Variants in CNTLN observed in about 807,000 individuals in gnomAD.
CNTLN encodes centlein, centrosomal protein.
In CNTLN, 212 loss-of-function variants were observed where a neutral mutation model predicts 180.0. The ratio of observed to expected loss-of-function variants is 1.18; its 90% confidence interval spans 1.05 to 1.32. The LOEUF (loss-of-function observed/expected upper bound fraction) is 1.32. Among genes scored for constraint, CNTLN ranks in the 40% most tolerant of loss-of-function variants. The pLI is 0.00. For missense variants in CNTLN, 2,095 were observed against 1,610.9 expected, an observed-to-expected ratio of 1.30 and a Z score of -5.14; for synonymous variants, 722 against 563.1, an observed-to-expected ratio of 1.28 and a Z score of -3.99.
At chr9:17,445,160 AC>A (rs780208827) in intron 18 of CNTLN, among the ~76,000 whole-genome samples, 83 of 152,266 alleles carry the variant, frequency 5.5e-4, no homozygotes, top group Non-Finnish European at 9.4e-4. Context: ...ATAGAAAAAA[AC>A]ATTATTGCTT....
chr9:17,435,236 G>A (rs186192874), intron 18 of CNTLN, among the ~76,000 whole-genome samples: 4 of 152,168 alleles, frequency 2.6e-5, no homozygotes, highest in South Asian at 2.1e-4. Flanking sequence ...TTTGGTTGTT[G>A]TTTGTTTCTA....
chr9:17,318,271 C>T (rs1054401715), intron 8 of CNTLN, among the ~76,000 whole-genome samples: 6 of 151,976 alleles, frequency 3.9e-5, no homozygotes, highest in Non-Finnish European at 7.4e-5. Context: ...CCTCGTGATC[C>T]GCCTGCCTCG....
At chr9:17,427,722 G>GA (rs1829180206) in intron 18 of CNTLN, among the ~76,000 whole-genome samples, 1 of 152,138 alleles carries the variant, frequency 6.6e-6, no homozygotes, top group African/African-American at 2.4e-5. Context: ...ACTGATCCTT[G>GA]AAAATATTAT....
rs542306626 is a variant in CNTLN at position 17,465,101 on chromosome 9, C to T, written c.3531+478C>T. ...GTTAAAGTAGTTACGTAATATATGA[C>T]CCAAAGTAGAAGGGTTTTTTTTGTT... On this transcript the variant is annotated intron_variant, in intron 21 of 25. Transcript: ENST00000380647. Among the ~76,000 whole-genome samples the T allele has an allele frequency of 2.7e-4, 40 of 150,216 alleles. No individual in the cohort carries two copies. The South Asian group carries it at 7.6e-3, about 28-fold the overall frequency.
At chr9:17,463,272 C>CT (rs1394084502) in intron 20 of CNTLN, among the ~76,000 whole-genome samples, 1 of 151,440 alleles carries the variant, frequency 6.6e-6, no homozygotes, top group Non-Finnish European at 1.5e-5. Context: ...AAATTAATGG[C>CT]TTCGAGACAA....
At chr9:17,411,655 A>G (rs575082394) in intron 16 of CNTLN, among the ~76,000 whole-genome samples, 1 of 152,128 alleles carries the variant, frequency 6.6e-6, no homozygotes, top group South Asian at 2.1e-4. Flanking sequence ...GAGGCATTAG[A>G]CTCTCACATA....
chr9:17,467,645 A>C (rs1203094358), intron 23 of CNTLN, among the ~76,000 whole-genome samples: 1 of 151,618 alleles, frequency 6.6e-6, no homozygotes, highest in Non-Finnish European at 1.5e-5. Flanking sequence ...GAGGATCCTA[A>C]ATGATTGCAA....
At chr9:17,242,421 C>T (rs1056054937) in intron 5 of CNTLN, among the ~76,000 whole-genome samples, 6 of 152,050 alleles carry the variant, frequency 3.9e-5, no homozygotes, top group South Asian at 2.1e-4. Context: ...GTGATTCTTG[C>T]CTCAGCTTCC....
At chr9:17,284,859 C>T (rs986158457) in intron 6 of CNTLN, among the ~76,000 whole-genome samples, 2 of 151,840 alleles carry the variant, frequency 1.3e-5, no homozygotes, top group Admixed American at 6.6e-5. Flanking sequence ...AGGGTGTCAA[C>T]TTGAGATTTT....
intron 16 of CNTLN, among the ~76,000 whole-genome samples, 196 bp downstream of exon 16, chr9:17,409,669 A>G (rs1201456854): frequency 1.3e-5 from 2 of 152,050 alleles, no homozygotes; most frequent in Non-Finnish European, 2.9e-5. Context: ...ATAGACGAAA[A>G]TAAATACTAT....
At chr9:17,420,068 C>A (rs941529096) in intron 18 of CNTLN, among the ~76,000 whole-genome samples, 13 of 152,100 alleles carry the variant, frequency 8.5e-5, no homozygotes, top group African/African-American at 3.1e-4. Context: ...GCACGCAACA[C>A]CACGCCTGGC....
chr9:17,417,146 G>A (rs1828318317), intron 18 of CNTLN, among the ~76,000 whole-genome samples: 1 of 152,138 alleles, frequency 6.6e-6, no homozygotes, highest in African/African-American at 2.4e-5. Flanking sequence ...AAATGTGGCA[G>A]TGGGATACCA....
chr9:17,479,073 A>T (rs1832503405), intron 23 of CNTLN, among the ~76,000 whole-genome samples: 1 of 152,154 alleles, frequency 6.6e-6, no homozygotes, highest in Non-Finnish European at 1.5e-5. Flanking sequence ...GTGTAATTGG[A>T]CCCTTTGTAC....
At chr9:17,182,905 G>T (rs994246635) in intron 2 of CNTLN, among the ~76,000 whole-genome samples, 1 of 152,100 alleles carries the variant, frequency 6.6e-6, no homozygotes, top group African/African-American at 2.4e-5. Context: ...TAGTGGGAGG[G>T]GCCCAGTTGA....
intron 2 of CNTLN, among the ~76,000 whole-genome samples, chr9:17,199,267 A>C (rs1293697753): frequency 3.0e-5 from 4 of 132,596 alleles, no homozygotes; most frequent in Non-Finnish European, 4.6e-5. Context: ...GCTGGAGTGC[A>C]GTGGCATAGT....
At chr9:17,202,887 G>A (rs1822648696) in intron 2 of CNTLN, among the ~76,000 whole-genome samples, 1 of 151,954 alleles carries the variant, frequency 6.6e-6, no homozygotes, top group African/African-American at 2.4e-5. Flanking sequence ...CATGATGCTA[G>A]CTGTTTATTT....
chr9:17,271,576 A>G (rs969411499), intron 5 of CNTLN, among the ~76,000 whole-genome samples: 3 of 152,158 alleles, frequency 2.0e-5, no homozygotes, highest in Non-Finnish European at 2.9e-5. Flanking sequence ...ATCCACCAGA[A>G]GCTGACATTT....
At chr9:17,410,409 C>G (rs1827755803) in intron 16 of CNTLN, among the ~76,000 whole-genome samples, 1 of 152,060 alleles carries the variant, frequency 6.6e-6, no homozygotes, top group Admixed American at 6.6e-5. Flanking sequence ...TTCTTACTGG[C>G]TTAGACATTT....
chr9:17,325,459 T>C (rs967375014), intron 8 of CNTLN, among the ~76,000 whole-genome samples: 1 of 149,714 alleles, frequency 6.7e-6, no homozygotes, highest in Admixed American at 6.7e-5. Flanking sequence ...CCCAGAGGGT[T>C]TGAATTAGTT....
Sources: allele counts gnomAD v4.1 joint callset (sites outside exome capture counted in the v4.1 genomes callset), GRCh38; gene constraint gnomAD v4.1.1; transcripts MANE v1.5; gene names NCBI Gene and HGNC (gene_info 2026-07-23, HGNC 2026-07-21).